Variants in REEP3 observed in about 807,000 individuals in gnomAD.
The protein encoded by REEP3 is receptor accessory protein 3, also known as receptor expression-enhancing protein 3.
REEP3 carries 20 observed loss-of-function variants against 41.3 expected under a neutral mutation model. The observed-to-expected ratio is 0.48, with a 90% CI of 0.34 to 0.70. REEP3 has a LOEUF of 0.70. Ranked by LOEUF, REEP3 falls within the 30% of genes least tolerant of loss-of-function variation. REEP3 has a pLI of 0.01. For missense variants in REEP3, 271 were observed against 308.8 expected, an observed-to-expected ratio of 0.88 and a Z score of 0.92; for synonymous variants, 104 against 101.8, an observed-to-expected ratio of 1.02 and a Z score of -0.13.
At chr10:63,610,716 T>G (rs1328921568) in intron 6 of REEP3, among the ~76,000 whole-genome samples, 3 of 152,224 alleles carry the variant, frequency 2.0e-5, no homozygotes, top group African/African-American at 7.2e-5. Context: ...TTTTTACTTT[T>G]ACATTTAATC....
Position 63,546,738 on chromosome 10 carries a change from T to TAGC in REEP3, c.33-19598_33-19596dup, listed in dbSNP as rs534544483. Among the ~76,000 whole-genome samples, 486 of 152,292 alleles carry TAGC rather than the reference T, an allele frequency of 3.2e-3. 2 individuals are homozygous for TAGC. Among genetic ancestry groups the TAGC allele is most frequent in the African/African-American group, 0.011 (472 of 41,550 alleles). On this transcript the variant is annotated intron_variant, in intron 1 of 7. Coordinates refer to ENST00000373758, the MANE Select transcript of REEP3 (RefSeq NM_001001330.3). Reference sequence around the variant, plus strand: ...ATAGGCATTTGTCTTATCACAAAGGTAGCACTACACAGCATTGGGGAAAGA... The same window carrying TAGC: ...ATAGGCATTTGTCTTATCACAAAGGTAGCAGCACTACACAGCATTGGGGAAAGA...
chr10:63,574,042 A>T lies in REEP3; in HGVS notation c.105+7632A>T, dbSNP rs533799539. Among the ~76,000 whole-genome samples, 110 of 152,310 alleles carry T rather than the reference A, an allele frequency of 7.2e-4. 1 individual carries two copies. The highest frequency in any genetic ancestry group is 1.9e-3 in the South Asian group (9 of 4,826). ...TTAGTTTTCCAAGGCTTATTATGGA[A>T]AACAGTAGTTCCCCAGGCTCCCATC... On this transcript the variant is annotated intron_variant, in intron 2 of 7. Coordinates refer to ENST00000373758, the MANE Select transcript of REEP3 (RefSeq NM_001001330.3).
At chr10:63,545,062 A>AT (rs1331525854) in intron 1 of REEP3, among the ~76,000 whole-genome samples, 2 of 152,166 alleles carry the variant, frequency 1.3e-5, no homozygotes, top group Non-Finnish European at 2.9e-5. Context: ...TGGCTATCTT[A>AT]TTTTTTAATA....
intron 1 of REEP3, among the ~76,000 whole-genome samples, chr10:63,545,149 G>A (rs910209231): frequency 3.9e-5 from 6 of 152,036 alleles, no homozygotes; most frequent in African/African-American, 1.4e-4. Context: ...GTGATTATGG[G>A]TACTTGTTTC....
intron 5 of REEP3, among the ~76,000 whole-genome samples, chr10:63,606,325 T>TCC (rs1211431323): frequency 6.8e-6 from 1 of 146,014 alleles, no homozygotes; most frequent in Non-Finnish European, 1.5e-5. Flanking sequence ...TCTCTCTTTC[T>TCC]CCCTCTCTTT....
At chr10:63,602,444 G>C (rs1223902021) in intron 5 of REEP3, among the ~76,000 whole-genome samples, 3 of 152,168 alleles carry the variant, frequency 2.0e-5, no homozygotes, top group Non-Finnish European at 4.4e-5. Flanking sequence ...TACACCCAAT[G>C]AAGATGCTAT....
At chr10:63,578,664 C>T (rs929983502) in intron 2 of REEP3, among the ~76,000 whole-genome samples, 2 of 152,036 alleles carry the variant, frequency 1.3e-5, no homozygotes, top group African/African-American at 4.8e-5. Context: ...GTAGTCCCAG[C>T]CACTTGAGAG....
At chr10:63,612,884 C>G (rs190889007) in intron 6 of REEP3, among the ~76,000 whole-genome samples, 11 of 152,172 alleles carry the variant, frequency 7.2e-5, no homozygotes, top group Admixed American at 7.2e-4. Flanking sequence ...AGACCAGAGT[C>G]CTTTATTAGC....
intron 1 of REEP3, among the ~76,000 whole-genome samples, chr10:63,563,147 A>C (rs1955759729): frequency 6.6e-6 from 1 of 152,252 alleles, no homozygotes; most frequent in African/African-American, 2.4e-5. Flanking sequence ...ACTGTGAGAA[A>C]GCAAATTTCT....
At chr10:63,550,187 C>T (rs1445971397) in intron 1 of REEP3, among the ~76,000 whole-genome samples, 1 of 152,116 alleles carries the variant, frequency 6.6e-6, no homozygotes, top group African/African-American at 2.4e-5. Flanking sequence ...AAGGGAGAAC[C>T]ACCAGGACTG....
intron 2 of REEP3, among the ~76,000 whole-genome samples, chr10:63,588,789 G>C (rs1956031129): frequency 6.6e-6 from 1 of 152,216 alleles, no homozygotes; most frequent in South Asian, 2.1e-4. Flanking sequence ...TTAGGATTTT[G>C]ATATTTTAAA....
chr10:63,575,218 A>G (rs192019097), intron 2 of REEP3, among the ~76,000 whole-genome samples: 40 of 152,272 alleles, frequency 2.6e-4, no homozygotes, highest in African/African-American at 9.4e-4. Flanking sequence ...TTTGAGAGCA[A>G]TTCTTCATTG....
chr10:63,529,098 A>G (rs1955394461), intron 1 of REEP3, among the ~76,000 whole-genome samples: 1 of 152,254 alleles, frequency 6.6e-6, no homozygotes, highest in Admixed American at 6.5e-5. Flanking sequence ...AGTAAATATT[A>G]TGCCTCATGA....
chr10:63,541,683 G>C (rs1009096917), intron 1 of REEP3, among the ~76,000 whole-genome samples: 4 of 151,464 alleles, frequency 2.6e-5, no homozygotes, highest in Non-Finnish European at 5.9e-5. Flanking sequence ...ATTAACGAAA[G>C]AACTGAGTAC....
intron 1 of REEP3, among the ~76,000 whole-genome samples, chr10:63,560,483 A>C (rs773056311): frequency 2.6e-5 from 4 of 152,222 alleles, no homozygotes; most frequent in Admixed American, 6.5e-5. Context: ...ACCATCTCCC[A>C]CTACTGCATT....
chr10:63,521,549 G>A lies in REEP3; in HGVS notation c.4G>A (p.Val2Met). 12 of 1,436,750 alleles carry A rather than the reference G, an allele frequency of 8.4e-6. No individual in the cohort carries two copies. Among genetic ancestry groups the A allele is most frequent in the Non-Finnish European group, 1.1e-5 (12 of 1,084,478 alleles). The allele number at this position is 1,436,750 out of a possible 1,614,324, so 89.0% of individuals were successfully genotyped here. A position where few individuals can be genotyped will look rare whatever the true frequency, so the allele number is the denominator to read the frequency against. The change falls in exon 1 of 8, where the codon GTG becomes ATG. Residue 2 changes from valine (V) to methionine (M), a missense_variant. Transcript: ENST00000373758. ...TGGGGCCCAAGCCCCCGTGAAGATGGTGTCCTGGATGATCTCCAGAGCCGT... is the reference window on the plus strand; with the variant it reads ...TGGGGCCCAAGCCCCCGTGAAGATGATGTCCTGGATGATCTCCAGAGCCGT... M[V>M]SWMISRAVVL...
At chr10:63,591,422 G>T (rs1216987016) in intron 2 of REEP3, among the ~76,000 whole-genome samples, 5 of 151,964 alleles carry the variant, frequency 3.3e-5, no homozygotes, top group Non-Finnish European at 5.9e-5. Flanking sequence ...AAAAATCATA[G>T]GTTCAAGAGA....
intron 4 of REEP3, among the ~76,000 whole-genome samples, 181 bp downstream of exon 4, chr10:63,598,325 C>CA (rs1375438156): frequency 2.7e-5 from 4 of 148,988 alleles, no homozygotes; most frequent in Non-Finnish European, 4.5e-5. Context: ...ACTAAAAATA[C>CA]AAAAAAAAAT....
At chr10:63,557,601 G>A (rs1358087896) in intron 1 of REEP3, among the ~76,000 whole-genome samples, 1 of 152,036 alleles carries the variant, frequency 6.6e-6, no homozygotes. Context: ...GCAGGGTTGG[G>A]GACCAGTCTT....
Sources: gnomAD v4.1 joint callset for allele counts (sites outside exome capture counted in the v4.1 genomes callset) on GRCh38, gnomAD v4.1.1 for gene constraint, MANE v1.5 for transcripts, NCBI Gene and HGNC (gene_info 2026-07-23, HGNC 2026-07-21) for gene names.